Variants in MGST1 observed in about 807,000 individuals in gnomAD.
The protein encoded by MGST1 is glutathione S-transferase 12.
In MGST1, 5 loss-of-function variants were observed where a neutral mutation model predicts 8.9. The observed-to-expected ratio is 0.56, with a 90% CI of 0.29 to 1.19. The LOEUF is 1.19. MGST1 is among the 50% of genes most tolerant of loss of function. The probability of loss-of-function intolerance (pLI) is 0.08; values close to 1 mark genes in which losing one functional copy is unlikely to be tolerated. For synonymous variants in MGST1, 54 were observed against 67.8 expected, an observed-to-expected ratio of 0.80 and a Z score of 1.00; for missense variants, 182 against 187.4, an observed-to-expected ratio of 0.97 and a Z score of 0.17.
chr12:16,474,500 A>G (rs1941308204), intron 4 of MGST1, among the ~76,000 whole-genome samples: 1 of 152,192 alleles, frequency 6.6e-6, no homozygotes, highest in Non-Finnish European at 1.5e-5. Context: ...AAATTACTCT[A>G]CCCCAAAGCT....
intron 3 of MGST1, chr12:16,360,180 TC>T: frequency 5.5e-6 from 1 of 180,588 alleles, no homozygotes. Flanking sequence ...AGTACCTGTT[TC>T]ATCGAAAAAG....
intron 4 of MGST1, among the ~76,000 whole-genome samples, chr12:16,515,655 A>G (rs955678237): frequency 1.3e-5 from 2 of 152,106 alleles, no homozygotes; most frequent in African/African-American, 2.4e-5. Flanking sequence ...AAGAAAAAAA[A>G]AAGAATAAAG....
At chr12:16,386,318 C>T (rs1940503638) in intron 1 of MGST1, among the ~76,000 whole-genome samples, 1 of 152,192 alleles carries the variant, frequency 6.6e-6, no homozygotes, top group African/African-American at 2.4e-5. Flanking sequence ...GGAAAGTGCT[C>T]CGCAGGCTCT....
In MGST1 at chr12:16,559,740, C is replaced by T. The variant is rs545574405; in HGVS notation, n.483-29788C>T. On this transcript the variant is annotated intron_variant and non_coding_transcript_variant, in intron 4 of 4. Transcript: ENST00000538857. This position sits in a 1 kb window ranked among gnomAD's most constrained non-coding sequence, Gnocchi z 4.1. ...TGGAGGTGGGAGGATTGCTTGAGGC[C>T]AGGAGTTTGAGACCAGCCTGGGTAA... Among the ~76,000 whole-genome samples, 5 of 151,092 alleles carry T rather than the reference C, an allele frequency of 3.3e-5. No individual in the cohort carries two copies. In the South Asian group the frequency reaches 1.0e-3, roughly 32 times the overall value.
Position 16,409,309 on chromosome 12 carries a change from TAC to T in MGST1, n.778+25711_778+25712del, listed in dbSNP as rs143840851. ...GTGTGTGTATGTGTGTGTATATGCA[TAC>T]ACACATATCCACACACACACCTATA... On this transcript the variant is annotated intron_variant and non_coding_transcript_variant, in intron 1 of 1. Coordinates refer to the MGST1 transcript ENST00000359720. Among the ~76,000 whole-genome samples, 347 of 152,034 alleles carry T rather than the reference TAC, an allele frequency of 2.3e-3. 2 individuals are homozygous for T. Among genetic ancestry groups the T allele is most frequent in the African/African-American group, 7.6e-3 (316 of 41,488 alleles).
intron 4 of MGST1, among the ~76,000 whole-genome samples, chr12:16,468,947 G>A (rs922460042): frequency 1.3e-5 from 2 of 152,138 alleles, no homozygotes; most frequent in African/African-American, 4.8e-5. Flanking sequence ...TGATCATCCA[G>A]CGTCATGCAC....
intron 4 of MGST1, among the ~76,000 whole-genome samples, chr12:16,460,382 C>T (rs535762340): frequency 6.2e-4 from 94 of 152,154 alleles, no homozygotes; most frequent in African/African-American, 2.1e-3. Context: ...TTAGAGTTCA[C>T]GGAAGGCCAA....
chr12:16,347,997 C>G lies in MGST1; in HGVS notation c.-23+287C>G, dbSNP rs1024932320. The G allele has an allele frequency of 6.6e-6, 1 of 152,144 alleles. No homozygotes were observed. Among genetic ancestry groups the G allele is most frequent in the Non-Finnish European group, 1.5e-5 (1 of 68,028 alleles). The allele number at this position is 152,144 out of a possible 1,614,324, so 9.4% of individuals were successfully genotyped here. On this transcript the variant is annotated intron_variant, in intron 1 of 3. Coordinates refer to ENST00000396210, the MANE Select transcript of MGST1 (RefSeq NM_020300.5). This position sits in a 1 kb window ranked among gnomAD's most constrained non-coding sequence, Gnocchi z 4.0. ...ACTTAGCCTTTTCAAGTCAAAGTAA[C>G]CTCCTGTTTGAAAGGGTCCCTTGAA...
rs749800589 is a variant in MGST1 at position 16,555,863 on chromosome 12, T to G, written n.483-33665T>G. Among the ~76,000 whole-genome samples, 1 of 152,162 alleles carries G rather than the reference T, an allele frequency of 6.6e-6. No homozygotes were observed. Among genetic ancestry groups the G allele is most frequent in the Non-Finnish European group, 1.5e-5 (1 of 68,018 alleles). Reference sequence around the variant, plus strand: ...CAACCCCGAGCAGACACACTTCCTGTAAGTCAACCAGTTCTAGGGAGTTCT... The same window carrying G: ...CAACCCCGAGCAGACACACTTCCTGGAAGTCAACCAGTTCTAGGGAGTTCT... On this transcript the variant is annotated intron_variant and non_coding_transcript_variant, in intron 4 of 4. Coordinates refer to the MGST1 transcript ENST00000538857. The surrounding 1 kb of genome is among the most constrained non-coding windows in gnomAD (Gnocchi z 5.5).
intron 1 of MGST1, among the ~76,000 whole-genome samples, chr12:16,422,012 A>T (rs936146494): frequency 6.6e-6 from 1 of 152,128 alleles, no homozygotes; most frequent in African/African-American, 2.4e-5. Context: ...CGCTGGTTAG[A>T]TCAGCCTCAT....
chr12:16,541,771 G>A (rs1941794777), intron 4 of MGST1, among the ~76,000 whole-genome samples: 1 of 152,092 alleles, frequency 6.6e-6, no homozygotes. Flanking sequence ...AATGGACTCT[G>A]CAAAATTTCC....
rs188481152 is a variant in MGST1, at chr12:16,548,547, C to A, written n.483-40981C>A. 6.6e-6 allele frequency: 1 copy of A among 152,072 alleles called. No homozygotes were observed. Among genetic ancestry groups the A allele is most frequent in the African/African-American group, 2.4e-5 (1 of 41,398 alleles). The allele number at this position is 152,072 out of a possible 1,614,324, so 9.4% of individuals were successfully genotyped here. ...GGTCCTTCATCATAGGCAGCCTATG[C>A]GAGATGCATCTTAGGAAGGGAGCTT... On this transcript the variant is annotated intron_variant and non_coding_transcript_variant, in intron 4 of 4. Coordinates refer to the MGST1 transcript ENST00000538857. The surrounding 1 kb of genome is among the most constrained non-coding windows in gnomAD (Gnocchi z 4.2).
At chr12:16,451,507 C>T (rs370073730) in intron 4 of MGST1, among the ~76,000 whole-genome samples, 2 of 151,784 alleles carry the variant, frequency 1.3e-5, no homozygotes, top group South Asian at 2.1e-4. Flanking sequence ...AGAGGCAATG[C>T]ATTTAGCATT....
intron 4 of MGST1, among the ~76,000 whole-genome samples, chr12:16,574,355 G>T (rs774149693): frequency 1.3e-5 from 2 of 152,076 alleles, no homozygotes; most frequent in African/African-American, 2.4e-5. Context: ...GACACCACAC[G>T]GTGTGCAGAG....
chr12:16,398,985 C>CAGGACAGGAAGA (rs1290974888), intron 1 of MGST1, among the ~76,000 whole-genome samples: 2 of 152,208 alleles, frequency 1.3e-5, no homozygotes, highest in Middle Eastern at 3.4e-3. Context: ...TGTCCTGGCA[C>CAGGACAGGAAGA]AAGGTGACAG....
chr12:16,557,283 A>C (rs1335284250), intron 4 of MGST1, among the ~76,000 whole-genome samples: 2 of 152,156 alleles, frequency 1.3e-5, no homozygotes, highest in Non-Finnish European at 1.5e-5. Flanking sequence ...AAAAGAAGGA[A>C]TACCAAAGGA....
chr12:16,400,400 G>T lies in MGST1; in HGVS notation n.778+16796G>T. Reference sequence around the variant, plus strand: ...TTGACACGGGCCTCCAGTGAGCCTTGCAGCCTCTTTTGGGCAATATTTGGG... The same window carrying T: ...TTGACACGGGCCTCCAGTGAGCCTTTCAGCCTCTTTTGGGCAATATTTGGG... On this transcript the variant is annotated intron_variant and non_coding_transcript_variant, in intron 1 of 1. Coordinates refer to the MGST1 transcript ENST00000359720. 3.7e-6 allele frequency: 3 copies of T among 819,624 alleles called. No homozygotes were observed. The East Asian group carries it at 7.3e-5, about 20-fold the overall frequency. 50.8% of individuals were successfully genotyped at this position (819,624 alleles called of 1,614,324 possible).
At chr12:16,575,894 T>C (rs1428465579) in intron 4 of MGST1, among the ~76,000 whole-genome samples, 1 of 152,024 alleles carries the variant, frequency 6.6e-6, no homozygotes, top group African/African-American at 2.4e-5. Context: ...CAGACTACAT[T>C]ACCCTCCCTC....
At chr12:16,347,557 G>A (rs1939254682), upstream of MGST1, 1 of 152,292 alleles carries the variant, frequency 6.6e-6, no homozygotes, top group Non-Finnish European at 1.5e-5. The surrounding 1 kb of genome is among the most constrained non-coding windows in gnomAD (Gnocchi z 4.0). Flanking sequence ...GTTTGGCGAG[G>A]TTGGGGTCGG....
Sources: gnomAD v4.1 joint callset for allele counts (sites outside exome capture counted in the v4.1 genomes callset) on GRCh38, gnomAD v4.1.1 for gene constraint, Gnocchi (gnomAD v3.1) non-coding constraint, MANE v1.5 for transcripts, NCBI Gene and HGNC (gene_info 2026-07-23, HGNC 2026-07-21) for gene names.